PI4K2B: variants seen among roughly 807,000 people sequenced by gnomAD.
PI4K2B encodes phosphatidylinositol 4-kinase type 2 beta.
Under a neutral mutation model 56.6 loss-of-function variants are expected in PI4K2B, and 46 were observed. That is an observed-to-expected ratio of 0.81 (90% CI 0.64 to 1.04). The LOEUF is 1.04. Among genes scored for constraint, PI4K2B ranks in the 50% least tolerant of loss-of-function variants. The pLI is 0.00. For missense variants in PI4K2B, 556 were observed against 607.7 expected (o/e 0.91, Z 0.89); for synonymous variants, 211 against 223.8 (o/e 0.94, Z 0.51).
intron 1 of PI4K2B, among the ~76,000 whole-genome samples, chr4:25,250,065 G>T (rs1449608043): frequency 2.6e-5 from 4 of 152,166 alleles, no homozygotes; most frequent in African/African-American, 7.2e-5. Flanking sequence ...CAAAAAATAC[G>T]AAAACCAGTC....
intron 9 of PI4K2B, chr4:25,276,691 A>G (rs1717107474): frequency 1.0e-6 from 1 of 983,750 alleles, no homozygotes; most frequent in Non-Finnish European, 1.2e-6. Flanking sequence ...TTGAATATGT[A>G]TGTAGACCTC....
intron 9 of PI4K2B, among the ~76,000 whole-genome samples, chr4:25,272,807 GAGCT>G (rs1380478818): frequency 3.3e-5 from 5 of 151,928 alleles, no homozygotes; most frequent in Non-Finnish European, 7.4e-5. Context: ...AGGTTGTAAT[GAGCT>G]GTGATCACAC....
chr4:25,269,250 A>T (rs1312272189), intron 9 of PI4K2B, 47 bp downstream of exon 9: 1 of 1,004,880 alleles, frequency 1.0e-6, no homozygotes, highest in African/African-American at 1.6e-5. Context: ...TCTCTTTGAA[A>T]CAGTAGTCAA....
chr4:25,250,459 G>A (rs554071860), intron 1 of PI4K2B: 1 of 152,348 alleles, frequency 6.6e-6, no homozygotes, highest in East Asian at 1.9e-4. Flanking sequence ...GTGGAGGGTA[G>A]GAGGAGGGAG....
chr4:25,250,319 T>A (rs569424910), intron 1 of PI4K2B, among the ~76,000 whole-genome samples: 42 of 152,248 alleles, frequency 2.8e-4, no homozygotes, highest in African/African-American at 9.4e-4. Context: ...CAGGAGGCCA[T>A]TAGCCTCAGT....
chr4:25,252,187 A>T, intron 1 of PI4K2B, 134 bp from the exon 2 acceptor site: 1 of 260,396 alleles, frequency 3.8e-6, no homozygotes, highest in Non-Finnish European at 6.6e-6. Context: ...CAGTGGGGGG[A>T]AGGAGGATTA....
At chr4:25,274,911 C>T (rs1208580170) in intron 9 of PI4K2B, among the ~76,000 whole-genome samples, 1 of 152,100 alleles carries the variant, frequency 6.6e-6, no homozygotes, top group Non-Finnish European at 1.5e-5. Flanking sequence ...TCCTTGTGCC[C>T]CAGCCTCCCT....
chr4:25,249,116 C>T (rs930083897), intron 1 of PI4K2B, among the ~76,000 whole-genome samples: 33 of 152,196 alleles, frequency 2.2e-4, no homozygotes, highest in African/African-American at 6.7e-4. Context: ...TTTCAGAGAG[C>T]GCCGGGTTGG....
intron 1 of PI4K2B, among the ~76,000 whole-genome samples, chr4:25,241,593 T>C (rs949606571): frequency 1.3e-5 from 2 of 152,206 alleles, no homozygotes; most frequent in Non-Finnish European, 2.9e-5. Flanking sequence ...ATAAACTTCC[T>C]TTGGCACCTA....
intron 5 of PI4K2B, among the ~76,000 whole-genome samples, chr4:25,260,100 T>G (rs1281698636): frequency 1.3e-5 from 2 of 152,228 alleles, no homozygotes; most frequent in Non-Finnish European, 2.9e-5. Flanking sequence ...TTTCTTAATT[T>G]ACATATATAT....
At chr4:25,236,198 C>CT (rs1231396806) in intron 1 of PI4K2B, among the ~76,000 whole-genome samples, 1 of 143,128 alleles carries the variant, frequency 7.0e-6, no homozygotes, top group Non-Finnish European at 1.5e-5. Context: ...GAGCAAGACT[C>CT]TGTCTCAAAA....
chr4:25,236,280 T>C (rs976048536), intron 1 of PI4K2B, among the ~76,000 whole-genome samples: 3 of 151,840 alleles, frequency 2.0e-5, no homozygotes, highest in Admixed American at 2.0e-4. Flanking sequence ...TTGGGTGCCA[T>C]GGCTCATGCC....
At chr4:25,268,181 A>C (rs1442654225) in intron 7 of PI4K2B, among the ~76,000 whole-genome samples, 1 of 152,218 alleles carries the variant, frequency 6.6e-6, no homozygotes, top group Non-Finnish European at 1.5e-5. Context: ...ACTGAGGTAC[A>C]TTTAGAGCTA....
At chr4:25,238,835 C>T (rs1560365084) in intron 1 of PI4K2B, among the ~76,000 whole-genome samples, 1 of 152,138 alleles carries the variant, frequency 6.6e-6, no homozygotes, top group African/African-American at 2.4e-5. Context: ...GGAAGGGGAC[C>T]TGAGCAGGTT....
rs367742995 is a variant in PI4K2B at position 25,241,096 on chromosome 4, T to C, written c.268+6665T>C. ...CAATAACTCTATAATTTCCTTGTGG[T>C]ATTTAGTGGGGGTTCCCCCGGAGGT... On this transcript the variant is annotated intron_variant, in intron 1 of 9. Transcript: ENST00000264864. Among the ~76,000 whole-genome samples, 179 of 152,338 alleles carry C rather than the reference T, an allele frequency of 1.2e-3. 2 individuals are homozygous for C. In the South Asian group the frequency reaches 0.022, roughly 18 times the overall value.
intron 1 of PI4K2B, among the ~76,000 whole-genome samples, chr4:25,246,685 T>C (rs1228607114): frequency 6.6e-6 from 1 of 152,164 alleles, no homozygotes; most frequent in Admixed American, 6.5e-5. Flanking sequence ...GTGGTGCTTG[T>C]TGGGGAGGCT....
At chr4:25,249,462 G>A (rs893578477) in intron 1 of PI4K2B, among the ~76,000 whole-genome samples, 2 of 147,376 alleles carry the variant, frequency 1.4e-5, no homozygotes, top group African/African-American at 4.9e-5. Flanking sequence ...TCCCGGATGG[G>A]GCGGCTGGCC....
At chr4:25,265,198 C>CAAAAAAAAACAAAA (rs1716622159) in intron 7 of PI4K2B, among the ~76,000 whole-genome samples, 1 of 65,408 alleles carries the variant, frequency 1.5e-5, no homozygotes, top group Non-Finnish European at 2.6e-5. Context: ...TCTGTCTCAC[C>CAAAAAAAAACAAAA]AAAAAAAAAA....
chr4:25,241,952 G>A (rs1253286726), intron 1 of PI4K2B, among the ~76,000 whole-genome samples: 1 of 152,152 alleles, frequency 6.6e-6, no homozygotes, highest in African/African-American at 2.4e-5. Context: ...TTTGCCCTCT[G>A]GGTTTCCTTG....
Sources: gnomAD v4.1 joint callset for allele counts (sites outside exome capture counted in the v4.1 genomes callset) on GRCh38, gnomAD v4.1.1 for gene constraint, MANE v1.5 for transcripts, NCBI Gene and HGNC (gene_info 2026-07-23, HGNC 2026-07-21) for gene names.